Variants in TRPC5 observed in about 807,000 individuals in gnomAD.
TRPC5 encodes the protein transient receptor potential cation channel subfamily C member 5.
Under a neutral mutation model 56.5 loss-of-function variants are expected in TRPC5, and 9 were observed. The ratio of observed to expected loss-of-function variants is 0.16; its 90% CI spans 0.10 to 0.28. The LOEUF is 0.28. TRPC5 is among the 10% of genes least tolerant of loss of function. TRPC5 has a pLI of 1.00. For synonymous variants in TRPC5, 282 were observed against 278.5 expected (o/e 1.01, Z -0.13); for missense variants, 469 against 748.9 (o/e 0.63, Z 4.36).
intron 1 of TRPC5, among the ~76,000 whole-genome samples, chrX:111,989,120 CATA>C (rs1453992808): frequency 9.0e-6 from 1 of 111,583 alleles, no homozygotes; most frequent in Non-Finnish European, 1.9e-5. Context: ...ACCCATTTTC[CATA>C]ATGACTTTGT....
At chrX:111,863,300 G>A (rs1923458034) in intron 3 of TRPC5, among the ~76,000 whole-genome samples, 1 of 111,968 alleles carries the variant, frequency 8.9e-6, no homozygotes. Flanking sequence ...GTCTGTTTGG[G>A]GATGTACCTG....
chrX:111,773,289 A>G lies in TRPC5; in HGVS notation c.*3024T>C, dbSNP rs974075372. 8.9e-6 allele frequency among the ~76,000 whole-genome samples: 1 copy of G among 112,228 alleles called. No individual in the cohort carries two copies. Among genetic ancestry groups the G allele is most frequent in the African/African-American group, 3.2e-5 (1 of 30,906 alleles). ...AGCTGGAAGTGGAGATATTTCAACAATGGTCACTTTCTAATATAATTCAAA... is the reference window on the plus strand; with the variant it reads ...AGCTGGAAGTGGAGATATTTCAACAGTGGTCACTTTCTAATATAATTCAAA... On this transcript the variant is annotated 3_prime_UTR_variant, in exon 11 of 11. Coordinates refer to ENST00000262839, the MANE Select transcript of TRPC5 (RefSeq NM_012471.3).
intron 1 of TRPC5, among the ~76,000 whole-genome samples, chrX:111,993,182 G>A (rs1293651648): frequency 2.7e-5 from 3 of 109,361 alleles, no homozygotes; most frequent in Non-Finnish European, 5.7e-5. Context: ...ATAGTTTGCT[G>A]AGAATGATGG....
Position 111,768,197 on chromosome X carries a change from T to A in TRPC5, c.*8116A>T, listed in dbSNP as rs1322754012. Among the ~76,000 whole-genome samples the A allele has an allele frequency of 8.9e-6, 1 of 112,325 alleles. No homozygotes were observed. Among genetic ancestry groups the A allele is most frequent in the Non-Finnish European group, 1.9e-5 (1 of 53,195 alleles). The stretch of plus-strand genomic sequence containing the variant: ...CTTTGAAAATAGTCTTCAAAGCCAG[T>A]GTCATTTACACAGACACATTTGGAA... On this transcript the variant is annotated 3_prime_UTR_variant, in exon 11 of 11. Coordinates refer to ENST00000262839, the MANE Select transcript of TRPC5 (RefSeq NM_012471.3).
Position 111,777,080 on chromosome X carries a change from A to AT in TRPC5, c.2233-79dup, listed in dbSNP as rs1234166309. ...AGTAGGCACATTAGATACCTTTGGT[A>AT]TGTTCCAGGTTTTTGCCTAGTAGCA... On this transcript the variant is annotated intron_variant, in intron 10 of 10. Coordinates refer to ENST00000262839, the MANE Select transcript of TRPC5 (RefSeq NM_012471.3). The AT allele has an allele frequency of 8.1e-6, 7 of 863,481 alleles. No homozygotes were observed. In the African/African-American group the frequency reaches 1.4e-4, roughly 17 times the overall value. The allele number at this position is 863,481 out of a possible 1,213,427, so 71.2% of individuals were successfully genotyped here.
At chrX:111,902,980 G>C (rs1179784200) in intron 3 of TRPC5, 1 of 111,913 alleles carries the variant, frequency 8.9e-6, no homozygotes, top group Non-Finnish European at 1.9e-5. Context: ...CCAATGGAAA[G>C]ACAAACACTC....
intron 10 of TRPC5, among the ~76,000 whole-genome samples, chrX:111,777,795 G>T (rs1242772046): frequency 8.9e-6 from 1 of 112,507 alleles, no homozygotes; most frequent in Non-Finnish European, 1.9e-5. Flanking sequence ...GGCTGGCTTT[G>T]CTTTCAAGCC....
chrX:111,914,671 C>A (rs1925922548), intron 2 of TRPC5, among the ~76,000 whole-genome samples: 1 of 112,176 alleles, frequency 8.9e-6, no homozygotes, highest in Non-Finnish European at 1.9e-5. Context: ...TTAGAGGGAG[C>A]AGCTACAAAC....
At chrX:111,968,491 T>C (rs377533407) in intron 1 of TRPC5, among the ~76,000 whole-genome samples, 1 of 110,990 alleles carries the variant, frequency 9.0e-6, no homozygotes, top group Admixed American at 9.6e-5. Context: ...ACCCAAAGGA[T>C]TATAAATCAT....
At chrX:111,980,098 A>G (rs1201802953) in intron 1 of TRPC5, among the ~76,000 whole-genome samples, 2 of 111,821 alleles carry the variant, frequency 1.8e-5, no homozygotes, top group Non-Finnish European at 3.8e-5. Context: ...GTAAATGGAT[A>G]AGTAAATTGA....
At chrX:112,058,232 G>A (rs748561384) in intron 1 of TRPC5, among the ~76,000 whole-genome samples, 1 of 112,203 alleles carries the variant, frequency 8.9e-6, no homozygotes, top group Non-Finnish European at 1.9e-5. Flanking sequence ...CTGACATTCA[G>A]TATAACAGGC....
In TRPC5 at chrX:111,825,196, TTTCTTTCTTTCTTTCTTTCTTTC is replaced by T. The variant is rs1330074326; in HGVS notation, c.1896+9702_1896+9724del. ...CTTTCTTTCTTTCTTTCTTTCTTTCTTTCTTTCTTTCTTTCTTTCTTTCTTCTTTCTTTCTCTCTCTCTCTCTC... is the reference window on the plus strand; with the variant it reads ...CTTTCTTTCTTTCTTTCTTTCTTTCTTTCTTTCTTTCTCTCTCTCTCTCTC... On this transcript the variant is annotated intron_variant, in intron 7 of 10. Transcript: ENST00000262839. Among the ~76,000 whole-genome samples the T allele has an allele frequency of 3.5e-3, 319 of 91,182 alleles. 2 individuals are homozygous for T. Among genetic ancestry groups the T allele is most frequent in the Non-Finnish European group, 4.6e-3 (221 of 47,651 alleles). 79.2% of individuals were successfully genotyped at this position (91,182 alleles called of 115,157 possible).
intron 1 of TRPC5, among the ~76,000 whole-genome samples, chrX:112,081,531 T>C (rs896333585): frequency 9.0e-6 from 1 of 111,126 alleles, no homozygotes; most frequent in Non-Finnish European, 1.9e-5. Context: ...TGGGAGCAGG[T>C]TCCCCACGGA....
At chrX:111,899,952 G>A (rs975231295) in intron 3 of TRPC5, among the ~76,000 whole-genome samples, 2 of 110,543 alleles carry the variant, frequency 1.8e-5, no homozygotes, top group Admixed American at 9.7e-5. Context: ...GGTCATTATC[G>A]TTGTGACCCT....
chrX:111,968,614 G>C (rs1354393782), intron 1 of TRPC5, among the ~76,000 whole-genome samples: 1 of 109,507 alleles, frequency 9.1e-6, no homozygotes, highest in Non-Finnish European at 1.9e-5. Flanking sequence ...AGAAAATGTG[G>C]CACATATACC....
At chrX:111,980,737 C>T (rs1160884558) in intron 1 of TRPC5, among the ~76,000 whole-genome samples, 2 of 109,405 alleles carry the variant, frequency 1.8e-5, no homozygotes, top group African/African-American at 6.6e-5. Flanking sequence ...TTGTGAGATT[C>T]AATAGGCTAT....
chrX:111,871,055 G>A (rs1923741380), intron 3 of TRPC5, among the ~76,000 whole-genome samples: 1 of 111,905 alleles, frequency 8.9e-6, no homozygotes, highest in Non-Finnish European at 1.9e-5. Context: ...GAATGAAGGA[G>A]GTGGAGGAGA....
Position 111,941,085 on chromosome X carries a change from A to G in TRPC5, c.378+10958T>C, listed in dbSNP as rs542437511. Among the ~76,000 whole-genome samples the G allele has an allele frequency of 9.6e-4, 108 of 112,237 alleles. 1 individual carries two copies. The South Asian group carries it at 0.039, about 40-fold the overall frequency. ...ATGCACATGACAGGACCACCTTCAT[A>G]TATATTCACATCACCTCCTATAACC... On this transcript the variant is annotated intron_variant, in intron 2 of 10. Transcript: ENST00000262839.
intron 1 of TRPC5, among the ~76,000 whole-genome samples, chrX:111,968,526 G>A (rs1222514706): frequency 3.6e-5 from 4 of 110,416 alleles, no homozygotes; most frequent in Non-Finnish European, 3.8e-5. Context: ...ACATGCATAC[G>A]TATGTTTATT....
Sources: gnomAD v4.1 joint callset for allele counts (sites outside exome capture counted in the v4.1 genomes callset) on GRCh38, gnomAD v4.1.1 for gene constraint, MANE v1.5 for transcripts, NCBI Gene and HGNC (gene_info 2026-07-23, HGNC 2026-07-21) for gene names.